The following EFCAB6 variants were observed in gnomAD, a reference collection of about 807,000 sequenced individuals.
The protein encoded by EFCAB6 is EF-hand calcium-binding domain-containing protein 6.
Under a neutral mutation model 169.8 loss-of-function variants are expected in EFCAB6, and 156 were observed. The ratio of observed to expected loss-of-function variants is 0.92; its 90% confidence interval spans 0.81 to 1.05. The LOEUF (loss-of-function observed/expected upper bound fraction) is 1.05. Among genes scored for constraint, EFCAB6 ranks in the 50% least tolerant of loss-of-function variants. The pLI, the probability that EFCAB6 is intolerant of heterozygous loss-of-function variation, is 0.00. For missense variants in EFCAB6, 1,800 were observed against 1,829.1 expected, an observed-to-expected ratio of 0.98 and a Z score of 0.29; for synonymous variants, 698 against 676.4, an observed-to-expected ratio of 1.03 and a Z score of -0.50.
chr22:43,698,310 G>A (rs775631000), intron 10 of EFCAB6, among the ~76,000 whole-genome samples: 9 of 152,136 alleles, frequency 5.9e-5, no homozygotes, highest in Admixed American at 5.2e-4. Context: ...TGCCATCATG[G>A]AGGGGGCAAG....
chr22:43,637,377 G>C (rs954632247), intron 17 of EFCAB6, among the ~76,000 whole-genome samples: 1 of 152,324 alleles, frequency 6.6e-6, no homozygotes, highest in South Asian at 2.1e-4. Flanking sequence ...TTTGGTATTC[G>C]GGAAGAGGAC....
At chr22:43,647,032 G>C (rs995352851) in intron 17 of EFCAB6, among the ~76,000 whole-genome samples, 11 of 152,196 alleles carry the variant, frequency 7.2e-5, no homozygotes, top group African/African-American at 2.7e-4. Flanking sequence ...ATTCTGCTGA[G>C]AGGTGTTGTT....
chr22:43,635,374 C>T (rs1569291192), intron 17 of EFCAB6, among the ~76,000 whole-genome samples, 158 bp from the exon 18 acceptor site: 1 of 152,208 alleles, frequency 6.6e-6, no homozygotes, highest in East Asian at 1.9e-4. Context: ...ACCGAGTCTC[C>T]TGTGTCCCTG....
intron 24 of EFCAB6, among the ~76,000 whole-genome samples, chr22:43,582,815 C>T (rs540597047): frequency 2.2e-4 from 33 of 152,204 alleles, no homozygotes; most frequent in East Asian, 3.9e-4. Flanking sequence ...AAATATTGAA[C>T]GTTATCTGAG....
intron 20 of EFCAB6, among the ~76,000 whole-genome samples, chr22:43,621,041 C>T (rs112748651): frequency 0.014 from 2,113 of 151,668 alleles, 53 homozygotes; most frequent in African/African-American, 0.049. Flanking sequence ...CTGACCACAA[C>T]AGAATTAAAC....
intron 21 of EFCAB6, among the ~76,000 whole-genome samples, chr22:43,610,261 C>T (rs946903688): frequency 5.9e-5 from 9 of 152,156 alleles, no homozygotes; most frequent in Admixed American, 5.2e-4. Flanking sequence ...TTGCACCACA[C>T]GTCACTTACA....
rs1476170948 is a variant in EFCAB6 at position 43,540,251 on chromosome 22, G to A, written c.3755C>T (p.Thr1252Ile). The A allele has an allele frequency of 4.3e-6, 7 of 1,614,140 alleles. No homozygotes were observed. Among genetic ancestry groups the A allele is most frequent in the Admixed American group, 1.7e-5 (1 of 60,010 alleles). The change falls in exon 28 of 32, where the codon ACT (threonine) becomes ATT (isoleucine). Residue 1252 changes from threonine to isoleucine, a missense_variant. Transcript: ENST00000262726. Reference protein sequence around the residue: ...SSETAATPMATGDSAVAQRGS... With the variant: ...SSETAATPMAIGDSAVAQRGS... ...TCTCTGGGCCACGGCCGAGTCACCA[G>A]TGGCCATTGGTGTGGCTGCTGTCTC...
chr22:43,699,623 C>T (rs950318874), intron 10 of EFCAB6, among the ~76,000 whole-genome samples: 2 of 152,196 alleles, frequency 1.3e-5, no homozygotes, highest in African/African-American at 4.8e-5. Context: ...GATTCCATCA[C>T]CCCCAAGACC....
Position 43,672,258 on chromosome 22 carries a change from C to A in EFCAB6, c.1467G>T (p.Leu489=). The change falls in exon 14 of 32, where the codon CTG becomes CTT. Residue 489 remains leucine (L), a synonymous_variant. Transcript: ENST00000262726. ...PCTDAKTPFL[L]AWDSVEEIVH... ...AAGTGTTACTTACTGAATCCCAGGCCAGGAGGAAAGGTGTCTTAGCATCTG... is the reference window on the plus strand; with the variant it reads ...AAGTGTTACTTACTGAATCCCAGGCAAGGAGGAAAGGTGTCTTAGCATCTG... The A allele has an allele frequency of 6.2e-7, 1 of 1,614,094 alleles. No homozygotes were observed. The highest frequency in any genetic ancestry group is 2.2e-5 in the East Asian group (1 of 44,876).
Position 43,667,177 on chromosome 22 carries a change from G to T in EFCAB6, c.1910C>A (p.Pro637Gln). 6.2e-7 allele frequency: 1 copy of T among 1,613,868 alleles called. No homozygotes were observed. Among genetic ancestry groups the T allele is most frequent in the Non-Finnish European group, 8.5e-7 (1 of 1,179,934 alleles). ...GTCAAGAAATCGTTTTTTGAATGCC[G>T]GGTCCTGCTGCTGTATACACTTTTT... is the stretch of plus-strand genomic sequence containing the variant. ...KFKKCIQQQD[P>Q]AFKKRFLDFS... The change falls in exon 17 of 32, where the codon CCG becomes CAG. Residue 637 changes from proline to glutamine, a missense_variant. Pro to Gln is a moderately conservative substitution (Grantham distance 76). Coordinates refer to ENST00000262726, the MANE Select transcript of EFCAB6 (RefSeq NM_022785.4).
chr22:43,615,736 C>A (rs555431235), intron 21 of EFCAB6, 90 bp downstream of exon 21: 1 of 1,099,498 alleles, frequency 9.1e-7, no homozygotes, highest in Non-Finnish European at 1.3e-6. Flanking sequence ...CCCATCTTAG[C>A]GTCTGGATCT....
intron 26 of EFCAB6, among the ~76,000 whole-genome samples, chr22:43,569,538 G>T (rs1312260658): frequency 6.6e-6 from 1 of 152,228 alleles, no homozygotes; most frequent in Non-Finnish European, 1.5e-5. Context: ...TGGATGCATG[G>T]AGTCTGCCTG....
intron 16 of EFCAB6, among the ~76,000 whole-genome samples, chr22:43,667,690 A>G (rs2057324434): frequency 1.3e-5 from 2 of 152,218 alleles, no homozygotes; most frequent in Admixed American, 6.5e-5. Context: ...TGAAAGAAAT[A>G]GGCTGTTTTG....
chr22:43,546,943 CA>C (rs1366760921), intron 27 of EFCAB6, among the ~76,000 whole-genome samples: 1 of 150,722 alleles, frequency 6.6e-6, no homozygotes, highest in Non-Finnish European at 1.5e-5. Context: ...AAAATATGGT[CA>C]AAAAAAGATA....
chr22:43,714,709 T>A (rs1287650026), intron 9 of EFCAB6, among the ~76,000 whole-genome samples: 3 of 152,046 alleles, frequency 2.0e-5, no homozygotes, highest in African/African-American at 7.3e-5. Context: ...GCCAGCCAAG[T>A]TGCTGTTCAA....
chr22:43,711,584 C>A lies in EFCAB6; in HGVS notation c.922G>T (p.Ala308Ser). 6.3e-7 allele frequency: 1 copy of A among 1,593,180 alleles called. No individual in the cohort carries two copies. The highest frequency in any genetic ancestry group is 8.5e-7 in the Non-Finnish European group (1 of 1,175,096). Residue 308 changes from alanine (A) to serine (S), a missense_variant, in exon 10 of 32, where the codon GCA becomes TCA. Transcript: ENST00000262726. ...TAGCCACCTTTACAGGGGTCCCCTG[C>A]ACTGAGGGCCTTTTCAACCTTTTCA... is the stretch of plus-strand genomic sequence containing the variant. ...SYEKVEKALS[A>S]GDPCKGGYVS... is the part of the protein sequence containing the mutation.
intron 24 of EFCAB6, among the ~76,000 whole-genome samples, chr22:43,589,562 C>A (rs537871458): frequency 1.2e-4 from 18 of 152,036 alleles, no homozygotes; most frequent in Admixed American, 1.2e-3. Flanking sequence ...CTGAGGTGGG[C>A]GGATCACCTG....
chr22:43,647,258 G>T (rs758125518), intron 17 of EFCAB6, among the ~76,000 whole-genome samples: 4 of 150,988 alleles, frequency 2.6e-5, no homozygotes, highest in Non-Finnish European at 5.9e-5. Context: ...TTTATTTAGG[G>T]AAAAAAAAGG....
intron 23 of EFCAB6, among the ~76,000 whole-genome samples, chr22:43,592,671 C>A (rs2051649695): frequency 6.6e-6 from 1 of 152,140 alleles, no homozygotes; most frequent in Non-Finnish European, 1.5e-5. Context: ...CTGGTCTGGG[C>A]AACAAGACAG....
Sources: allele counts gnomAD v4.1 joint callset (sites outside exome capture counted in the v4.1 genomes callset), GRCh38; gene constraint gnomAD v4.1.1; transcripts MANE v1.5; gene names NCBI Gene and HGNC (gene_info 2026-07-23, HGNC 2026-07-21).